CHRM3: variants seen among roughly 807,000 people sequenced by gnomAD.
CHRM3 encodes muscarinic acetylcholine receptor M3.
In CHRM3, 11 loss-of-function variants were observed where a neutral mutation model predicts 41.8. The ratio of observed to expected loss-of-function variants is 0.26; its 90% CI spans 0.17 to 0.44. The LOEUF (loss-of-function observed/expected upper bound fraction) is 0.44. CHRM3 is among the 20% of genes least tolerant of loss of function. The probability of loss-of-function intolerance (pLI) is 1.00; values close to 1 mark genes in which losing one functional copy is unlikely to be tolerated. For missense variants in CHRM3, 571 were observed against 745.4 expected, an observed-to-expected ratio of 0.77 and a Z score of 2.72; for synonymous variants, 297 against 301.4, an observed-to-expected ratio of 0.99 and a Z score of 0.15.
chr1:239,714,744 C>T (rs370731339), intron 5 of CHRM3, among the ~76,000 whole-genome samples: 1 of 152,064 alleles, frequency 6.6e-6, no homozygotes, highest in Non-Finnish European at 1.5e-5. Context: ...GAAGAATAGA[C>T]TGAGGGGCAG....
Position 239,598,965 on chromosome 1 carries a change from C to T in CHRM3, c.-312-33259C>T, listed in dbSNP as rs200331644. On this transcript the variant is annotated intron_variant, in intron 3 of 6. Transcript: ENST00000676153. Reference sequence around the variant, plus strand: ...ACCACTCACTCATGTTTTGGCCCTCCCCTAATCTCTTCCTGGCTGCTCCTT... The same window carrying T: ...ACCACTCACTCATGTTTTGGCCCTCTCCTAATCTCTTCCTGGCTGCTCCTT... Among the ~76,000 whole-genome samples, 442 of 151,960 alleles carry T rather than the reference C, an allele frequency of 2.9e-3. 2 individuals are homozygous for T. Among genetic ancestry groups the T allele is most frequent in the African/African-American group, 0.01 (435 of 41,460 alleles).
intron 5 of CHRM3, among the ~76,000 whole-genome samples, chr1:239,742,202 A>G (rs1664919101): frequency 6.6e-6 from 1 of 152,308 alleles, no homozygotes; most frequent in Non-Finnish European, 1.5e-5. Flanking sequence ...CATTGACTAC[A>G]TAAATTATTT....
At chr1:239,512,854 A>G (rs1669013323) in intron 2 of CHRM3, among the ~76,000 whole-genome samples, 2 of 151,248 alleles carry the variant, frequency 1.3e-5, no homozygotes, top group Non-Finnish European at 2.9e-5. Flanking sequence ...TTGAATGATC[A>G]GAGTGGCCGA....
At chr1:239,713,707 G>T (rs1662046814) in intron 5 of CHRM3, among the ~76,000 whole-genome samples, 1 of 152,134 alleles carries the variant, frequency 6.6e-6, no homozygotes, top group Non-Finnish European at 1.5e-5. Context: ...CACAGCTGGG[G>T]TGACCACTTG....
chr1:239,650,428 A>G (rs1180473150), intron 4 of CHRM3, among the ~76,000 whole-genome samples: 1 of 152,252 alleles, frequency 6.6e-6, no homozygotes. Flanking sequence ...ATTGCATGTC[A>G]AGCTCCTAAC....
intron 1 of CHRM3, among the ~76,000 whole-genome samples, chr1:239,468,870 A>G (rs543218717): frequency 6.6e-6 from 1 of 152,196 alleles, no homozygotes; most frequent in Non-Finnish European, 1.5e-5. Context: ...CTAGAAGTTC[A>G]AATAAAACAG....
At chr1:239,859,622 G>A (rs979428590) in intron 6 of CHRM3, among the ~76,000 whole-genome samples, 1 of 150,936 alleles carries the variant, frequency 6.6e-6, no homozygotes, top group African/African-American at 2.4e-5. Flanking sequence ...CACCATGATG[G>A]CCAAGCTGGT....
intron 6 of CHRM3, among the ~76,000 whole-genome samples, chr1:239,859,851 A>ATATATG (rs1675487095): frequency 7.1e-6 from 1 of 140,138 alleles, no homozygotes; most frequent in Non-Finnish European, 1.6e-5. Context: ...ATATATATAT[A>ATATATG]GTCATTTAAT....
chr1:239,643,094 G>A lies in CHRM3; in HGVS notation c.-250+10808G>A, dbSNP rs542623007. Among the ~76,000 whole-genome samples, 578 of 152,280 alleles carry A rather than the reference G, an allele frequency of 3.8e-3. 2 individuals carry two copies. The highest frequency in any genetic ancestry group is 0.013 in the South Asian group (65 of 4,824). On this transcript the variant is annotated intron_variant, in intron 4 of 6. Coordinates refer to ENST00000676153, the MANE Select transcript of CHRM3 (RefSeq NM_001375978.1). Reference sequence around the variant, plus strand: ...GCAGAACAGTGGATGTTCGTGATCCGCGAATCCTGCTGTCTGATCGTTCCT... The same window carrying A: ...GCAGAACAGTGGATGTTCGTGATCCACGAATCCTGCTGTCTGATCGTTCCT...
chr1:239,814,540 C>A (rs1671411080), intron 5 of CHRM3, among the ~76,000 whole-genome samples: 1 of 152,146 alleles, frequency 6.6e-6, no homozygotes, highest in African/African-American at 2.4e-5. Flanking sequence ...GTCATGCGTA[C>A]CTGCCTGCAC....
chr1:239,404,492 TA>T (rs899958654), intron 1 of CHRM3, among the ~76,000 whole-genome samples: 2 of 147,470 alleles, frequency 1.4e-5, no homozygotes, highest in African/African-American at 5.0e-5. Context: ...AAGGAACATT[TA>T]TTTTTTTCTG....
chr1:239,699,065 T>C (rs966425973), intron 5 of CHRM3, among the ~76,000 whole-genome samples: 1 of 152,212 alleles, frequency 6.6e-6, no homozygotes, highest in African/African-American at 2.4e-5. Flanking sequence ...AGTTAACATA[T>C]TGGCATTTTT....
intron 2 of CHRM3, among the ~76,000 whole-genome samples, chr1:239,519,741 CTTTT>C (rs386370161): frequency 3.5e-5 from 3 of 85,066 alleles, no homozygotes; most frequent in Non-Finnish European, 6.2e-5. Context: ...AAAACTAGTT[CTTTT>C]TTTTTTTTTT....
At chr1:239,584,587 ATAAACAT>A (rs945235235) in intron 3 of CHRM3, among the ~76,000 whole-genome samples, 26 of 152,330 alleles carry the variant, frequency 1.7e-4, no homozygotes, top group African/African-American at 5.8e-4. Flanking sequence ...TAAGATAAGA[ATAAACAT>A]TAAATAGACT....
In CHRM3 at chr1:239,492,721, T is replaced by C. The variant is rs1379482561; in HGVS notation, c.-508T>C. 1 of 152,262 alleles carries C rather than the reference T, an allele frequency of 6.6e-6. No individual in the cohort carries two copies. The highest frequency in any genetic ancestry group is 1.5e-5 in the Non-Finnish European group (1 of 68,094). 9.4% of individuals were successfully genotyped at this position (152,262 alleles called of 1,614,324 possible). A position where few individuals can be genotyped will look rare whatever the true frequency, so the allele number is the denominator to read the frequency against. On this transcript the variant is annotated 5_prime_UTR_variant, in exon 2 of 7. Transcript: ENST00000676153. The stretch of plus-strand genomic sequence containing the variant: ...TCTCTGTCTGCAGAAAGAAGGACTT[T>C]GCTGCTTTGGGCCAGGATCTGAACT...
chr1:239,809,002 C>T (rs1423219031), intron 5 of CHRM3, among the ~76,000 whole-genome samples: 1 of 145,818 alleles, frequency 6.9e-6, no homozygotes, highest in East Asian at 2.0e-4. Context: ...AAGTCTGGGT[C>T]TTTGACTCTG....
chr1:239,688,934 G>T, intron 5 of CHRM3, among the ~76,000 whole-genome samples: 1 of 144,902 alleles, frequency 6.9e-6, no homozygotes. Context: ...TGTATTCTTA[G>T]GATAGTTAAA....
intron 1 of CHRM3, among the ~76,000 whole-genome samples, chr1:239,442,354 G>GTC (rs1197662622): frequency 3.9e-5 from 6 of 152,024 alleles, no homozygotes; most frequent in Non-Finnish European, 8.8e-5. Context: ...CAATCCACCC[G>GTC]TCTCAGCCTC....
chr1:239,909,002 T>G lies in CHRM3; in HGVS notation c.1551T>G (p.Cys517Trp). ...TCATGGTTCTGGTGAACACCTTTTGTGACAGCTGCATACCCAAAACCTTTT... is the reference window on the plus strand; with the variant it reads ...TCATGGTTCTGGTGAACACCTTTTGGGACAGCTGCATACCCAAAACCTTTT... Reference protein sequence around the residue: ...YNIMVLVNTFCDSCIPKTFWN... With the variant: ...YNIMVLVNTFWDSCIPKTFWN... Residue 517 changes from cysteine to tryptophan, a missense_variant, in exon 7 of 7, where the codon TGT (cysteine) becomes TGG (tryptophan). This residue lies in a region of CHRM3 where 43 missense variants were observed against 93.7 expected (regional missense o/e 0.46). Transcript: ENST00000676153. The G allele has an allele frequency of 6.2e-7, 1 of 1,614,184 alleles. No individual in the cohort carries two copies. Among genetic ancestry groups the G allele is most frequent in the East Asian group, 2.2e-5 (1 of 44,866 alleles).
Sources: gnomAD v4.1 joint callset for allele counts (sites outside exome capture counted in the v4.1 genomes callset) on GRCh38, gnomAD v4.1.1 for gene constraint, gnomAD v4.1.1 regional missense constraint, MANE v1.5 for transcripts, NCBI Gene and HGNC (gene_info 2026-07-23, HGNC 2026-07-21) for gene names.